NTM: variants seen among roughly 807,000 people sequenced by gnomAD.
The protein encoded by NTM is neurotrimin.
In NTM, 13 loss-of-function variants were observed where a neutral mutation model predicts 42.1. The ratio of observed to expected loss-of-function variants is 0.31; its 90% CI spans 0.20 to 0.49. NTM has a LOEUF of 0.49. Among genes scored for constraint, NTM ranks in the 20% least tolerant of loss-of-function variants. NTM has a pLI of 0.99. For synonymous variants in NTM, 187 were observed against 179.2 expected (o/e 1.04, Z -0.35); for missense variants, 373 against 452.8 (o/e 0.82, Z 1.60).
At chr11:132,253,374 G>T (rs1401649576) in intron 4 of NTM, among the ~76,000 whole-genome samples, 1 of 152,148 alleles carries the variant, frequency 6.6e-6, no homozygotes, top group Non-Finnish European at 1.5e-5. Flanking sequence ...GCTAAGCCAG[G>T]ATTTCATCCA....
chr11:131,987,281 A>T (rs751265520), intron 2 of NTM, among the ~76,000 whole-genome samples: 1 of 152,222 alleles, frequency 6.6e-6, no homozygotes, highest in Non-Finnish European at 1.5e-5. Context: ...TTTAACTGGA[A>T]CACACTCCAG....
chr11:131,865,128 A>G (rs1439442713), intron 1 of NTM, among the ~76,000 whole-genome samples: 2 of 152,218 alleles, frequency 1.3e-5, no homozygotes, highest in Non-Finnish European at 2.9e-5. Context: ...GACAATGTAC[A>G]AGTCCCCAAA....
chr11:131,782,710 A>G (rs2088396824), intron 1 of NTM, among the ~76,000 whole-genome samples: 1 of 152,186 alleles, frequency 6.6e-6, no homozygotes, highest in Non-Finnish European at 1.5e-5. Context: ...AGCAATTGAT[A>G]TAACTGTATA....
intron 1 of NTM, among the ~76,000 whole-genome samples, chr11:131,656,140 C>T (rs1278891835): frequency 6.6e-6 from 1 of 152,178 alleles, no homozygotes; most frequent in East Asian, 1.9e-4. Flanking sequence ...CGCTCTAGGG[C>T]ATAGAGGAGA....
At chr11:132,049,522 A>C (rs1025897529) in intron 2 of NTM, among the ~76,000 whole-genome samples, 3 of 152,202 alleles carry the variant, frequency 2.0e-5, no homozygotes, top group Admixed American at 1.3e-4. Flanking sequence ...CCTCCAACAC[A>C]CACTGGCTCT....
At chr11:132,072,819 C>A (rs1407965116) in intron 2 of NTM, among the ~76,000 whole-genome samples, 1 of 152,140 alleles carries the variant, frequency 6.6e-6, no homozygotes, top group Non-Finnish European at 1.5e-5. Context: ...TGTGATTCCT[C>A]CTCACTGTGG....
At chr11:131,511,003 C>T (rs967395752) in intron 1 of NTM, among the ~76,000 whole-genome samples, 7 of 152,248 alleles carry the variant, frequency 4.6e-5, no homozygotes, top group Non-Finnish European at 8.8e-5. Context: ...ACTTAAAGTG[C>T]GGTTTGAGGA....
intron 3 of NTM, among the ~76,000 whole-genome samples, chr11:132,187,402 G>A (rs77315613): frequency 0.043 from 6,514 of 152,170 alleles, 248 homozygotes; most frequent in East Asian, 0.15. Context: ...CCCCACCCAC[G>A]TATCCCTTTA....
chr11:131,741,260 A>C (rs1372550611), intron 1 of NTM, among the ~76,000 whole-genome samples: 1 of 151,634 alleles, frequency 6.6e-6, no homozygotes, highest in Non-Finnish European at 1.5e-5. Flanking sequence ...CAGGGGCGGT[A>C]GCCTACCCAG....
intron 1 of NTM, among the ~76,000 whole-genome samples, chr11:131,568,447 G>A (rs1416614408): frequency 6.6e-6 from 1 of 152,222 alleles, no homozygotes; most frequent in Non-Finnish European, 1.5e-5. Flanking sequence ...GCAAATGCCA[G>A]GAGTTAGATT....
intron 1 of NTM, among the ~76,000 whole-genome samples, chr11:131,872,796 A>T (rs2047923570): frequency 6.6e-6 from 1 of 152,204 alleles, no homozygotes; most frequent in African/African-American, 2.4e-5. Flanking sequence ...CCAGATTTAT[A>T]GGGGACAATG....
intron 1 of NTM, among the ~76,000 whole-genome samples, chr11:131,549,448 A>G (rs2054360372): frequency 6.6e-6 from 1 of 152,172 alleles, no homozygotes; most frequent in African/African-American, 2.4e-5. Context: ...GAAGGAGAGA[A>G]AGAGTCAAAG....
At chr11:132,221,708 G>C (rs1479880762) in intron 4 of NTM, among the ~76,000 whole-genome samples, 1 of 152,160 alleles carries the variant, frequency 6.6e-6, no homozygotes, top group Non-Finnish European at 1.5e-5. Context: ...AATGTGCTCT[G>C]TGCCCAGCAA....
At chr11:132,234,095 A>G (rs1266301064) in intron 4 of NTM, among the ~76,000 whole-genome samples, 3 of 152,126 alleles carry the variant, frequency 2.0e-5, no homozygotes, top group Non-Finnish European at 4.4e-5. Context: ...TATCCTGCCC[A>G]CTTTGGCTTT....
intron 1 of NTM, among the ~76,000 whole-genome samples, chr11:131,903,899 A>G (rs1018036982): frequency 1.3e-4 from 20 of 152,170 alleles, no homozygotes; most frequent in African/African-American, 4.6e-4. Flanking sequence ...ATTTGAGTGA[A>G]TTAGTCATTA....
intron 2 of NTM, among the ~76,000 whole-genome samples, chr11:132,123,630 C>T (rs1199292183): frequency 5.3e-5 from 8 of 152,158 alleles, no homozygotes; most frequent in South Asian, 4.1e-4. Context: ...ATGCTATATG[C>T]GCATTTGATG....
rs569602475 is a variant in NTM at position 131,401,309 on chromosome 11, G to A, written c.82+30421G>A. Among the ~76,000 whole-genome samples, 30 of 152,168 alleles carry A rather than the reference G, an allele frequency of 2.0e-4. No individual in the cohort carries two copies. In the South Asian group the frequency reaches 5.4e-3, roughly 27 times the overall value. ...ATTTGAGAAGGTGTCTTTTTTCATGGTAGACTATTGGGAAGTCTCTTCTTA... is the reference window on the plus strand; with the variant it reads ...ATTTGAGAAGGTGTCTTTTTTCATGATAGACTATTGGGAAGTCTCTTCTTA... On this transcript the variant is annotated intron_variant, in intron 1 of 8. Transcript: ENST00000683400.
intron 1 of NTM, among the ~76,000 whole-genome samples, chr11:131,726,493 G>C (rs1303865414): frequency 2.6e-5 from 4 of 151,026 alleles, no homozygotes; most frequent in Admixed American, 2.6e-4. Context: ...TACTGGAAGT[G>C]ACAGGCTTTT....
intron 2 of NTM, among the ~76,000 whole-genome samples, chr11:132,055,052 T>C (rs980798953): frequency 6.6e-5 from 10 of 152,198 alleles, no homozygotes; most frequent in Non-Finnish European, 1.3e-4. Flanking sequence ...TACATCTACA[T>C]TGCCAGCAGA....
Sources: allele counts gnomAD v4.1 joint callset (sites outside exome capture counted in the v4.1 genomes callset), GRCh38; gene constraint gnomAD v4.1.1; transcripts MANE v1.5; gene names NCBI Gene and HGNC (gene_info 2026-07-23, HGNC 2026-07-21).